Variants in TSHZ2 observed in about 807,000 individuals in gnomAD.
TSHZ2 encodes the protein teashirt homolog 2.
A neutral mutation model predicts 74.4 loss-of-function variants in TSHZ2; 21 were observed. The observed-to-expected ratio is 0.28, with a 90% confidence interval of 0.20 to 0.41. The LOEUF (loss-of-function observed/expected upper bound fraction) is 0.41. TSHZ2 is among the 10% of genes least tolerant of loss of function. The pLI is 1.00. For synonymous variants in TSHZ2, 540 were observed against 515.3 expected (o/e 1.05, Z -0.65); for missense variants, 1,244 against 1,293.5 (o/e 0.96, Z 0.59).
intron 2 of TSHZ2, among the ~76,000 whole-genome samples, chr20:53,359,740 C>T (rs1391724789): frequency 6.6e-6 from 1 of 152,028 alleles, no homozygotes; most frequent in Non-Finnish European, 1.5e-5. Flanking sequence ...AGAAAGATGG[C>T]TAGACAAAAG....
chr20:52,996,305 GTTT>G (rs1223180904), intron 1 of TSHZ2, among the ~76,000 whole-genome samples: 1 of 135,362 alleles, frequency 7.4e-6, no homozygotes. Context: ...TTCCTTTCAG[GTTT>G]TTATTTATTT....
At chr20:53,453,944 T>C (rs1984932885) in intron 2 of TSHZ2, among the ~76,000 whole-genome samples, 1 of 152,164 alleles carries the variant, frequency 6.6e-6, no homozygotes, top group African/African-American at 2.4e-5. Context: ...CCTACTTGGG[T>C]CAAGAGCCTT....
At chr20:53,422,493 C>T (rs1234087819) in intron 2 of TSHZ2, among the ~76,000 whole-genome samples, 4 of 152,194 alleles carry the variant, frequency 2.6e-5, no homozygotes, top group Non-Finnish European at 4.4e-5. Context: ...ACGTTCTCAA[C>T]ACCTTCTCAA....
chr20:53,049,804 C>A (rs1464627591), intron 1 of TSHZ2, among the ~76,000 whole-genome samples: 1 of 151,966 alleles, frequency 6.6e-6, no homozygotes, highest in Non-Finnish European at 1.5e-5. Flanking sequence ...GTACTTTAGG[C>A]TGGGCAGTGG....
intron 1 of TSHZ2, among the ~76,000 whole-genome samples, chr20:53,106,405 T>C (rs1272599643): frequency 8.3e-6 from 1 of 120,078 alleles, no homozygotes; most frequent in Non-Finnish European, 1.7e-5. Context: ...TTTTTTTTTT[T>C]TTTTTTTTTT....
intron 1 of TSHZ2, among the ~76,000 whole-genome samples, chr20:53,097,290 G>T (rs1177943505): frequency 6.6e-6 from 1 of 152,120 alleles, no homozygotes; most frequent in Non-Finnish European, 1.5e-5. Context: ...CCCAGAGCTG[G>T]TCCCATGATT....
chr20:52,999,664 A>G (rs996883958), intron 1 of TSHZ2, among the ~76,000 whole-genome samples: 5 of 152,180 alleles, frequency 3.3e-5, no homozygotes, highest in Non-Finnish European at 7.3e-5. Context: ...TCTATCAGCC[A>G]CTGGTTTGTG....
At chr20:53,034,249 C>T (rs1337520562) in intron 1 of TSHZ2, among the ~76,000 whole-genome samples, 1 of 152,172 alleles carries the variant, frequency 6.6e-6, no homozygotes, top group African/African-American at 2.4e-5. Context: ...GGACAGGTTA[C>T]TTAATTTCTC....
chr20:53,125,399 A>C (rs1986920391), intron 1 of TSHZ2, among the ~76,000 whole-genome samples: 4 of 152,200 alleles, frequency 2.6e-5, no homozygotes. Flanking sequence ...GAATAGTAAA[A>C]GGATGAGTCT....
chr20:53,185,216 G>C (rs984985795), intron 1 of TSHZ2: 6 of 987,704 alleles, frequency 6.1e-6, no homozygotes, highest in Non-Finnish European at 7.2e-6. Flanking sequence ...GCTTTTTACT[G>C]TCATTTAGCC....
intron 2 of TSHZ2, among the ~76,000 whole-genome samples, chr20:53,326,235 C>T (rs1349014895): frequency 6.6e-6 from 1 of 152,224 alleles, no homozygotes; most frequent in African/African-American, 2.4e-5. Context: ...GGAACAATGA[C>T]TTTTGTCGGA....
intron 2 of TSHZ2, among the ~76,000 whole-genome samples, chr20:53,417,279 C>T (rs1983301224): frequency 7.2e-6 from 1 of 138,044 alleles, no homozygotes. Context: ...CACACACACA[C>T]CATAGTTTTT....
At chr20:53,463,453 A>C in intron 2 of TSHZ2, among the ~76,000 whole-genome samples, 1 of 135,152 alleles carries the variant, frequency 7.4e-6, no homozygotes, top group South Asian at 2.5e-4. Context: ...GAGGGAAGGA[A>C]GGAAGGAAGG....
At chr20:53,205,716 C>T (rs977451148) in intron 1 of TSHZ2, among the ~76,000 whole-genome samples, 11 of 152,102 alleles carry the variant, frequency 7.2e-5, no homozygotes, top group African/African-American at 2.7e-4. Flanking sequence ...TGGAGGGTCC[C>T]TGGGAATGAA....
At chr20:52,986,400 TCAA>T (rs1981760409) in intron 1 of TSHZ2, among the ~76,000 whole-genome samples, 1 of 78,470 alleles carries the variant, frequency 1.3e-5, no homozygotes, top group Admixed American at 1.4e-4. Context: ...CAAGAATCCA[TCAA>T]AAAAAAAAAA....
At chr20:53,141,667 T>C (rs1293418) in intron 1 of TSHZ2, among the ~76,000 whole-genome samples, 150,711 of 152,352 alleles carry the variant, frequency 0.99, 74,547 homozygotes, top group East Asian at 1. Context: ...GTGCTGTTTG[T>C]CACCTTTCCT....
In TSHZ2 at chr20:53,322,096, GACA is replaced by G. The variant is rs75732217; in HGVS notation, c.*8+65528_*8+65530del. Reference sequence around the variant, plus strand: ...TAGCTGGGTGACCTTGGGCAGAAAGGACAACCTCTCTGGGACTCTATTTTCCTA... The same window carrying G: ...TAGCTGGGTGACCTTGGGCAGAAAGGACCTCTCTGGGACTCTATTTTCCTA... On this transcript the variant is annotated intron_variant, in intron 2 of 2. Coordinates refer to ENST00000371497, the MANE Select transcript of TSHZ2 (RefSeq NM_173485.6). Among the ~76,000 whole-genome samples, 787 of 152,306 alleles carry G rather than the reference GACA, an allele frequency of 5.2e-3. 6 individuals are homozygous for G. The highest frequency in any genetic ancestry group is 8.8e-3 in the Non-Finnish European group (602 of 68,032).
intron 2 of TSHZ2, among the ~76,000 whole-genome samples, chr20:53,438,111 T>G (rs1984161607): frequency 6.9e-6 from 1 of 144,640 alleles, no homozygotes; most frequent in East Asian, 2.2e-4. Context: ...TCTTTTTTTT[T>G]TTTCTTTTTT....
chr20:53,173,563 G>T (rs1371174975), intron 1 of TSHZ2, among the ~76,000 whole-genome samples: 1 of 152,170 alleles, frequency 6.6e-6, no homozygotes, highest in African/African-American at 2.4e-5. Context: ...AGCCGACGTA[G>T]CGCCACTGCA....
Sources: allele counts gnomAD v4.1 joint callset (sites outside exome capture counted in the v4.1 genomes callset), GRCh38; gene constraint gnomAD v4.1.1; transcripts MANE v1.5; gene names NCBI Gene and HGNC (gene_info 2026-07-23, HGNC 2026-07-21).